Variants in COLEC10 observed in about 807,000 individuals in gnomAD.
COLEC10 encodes the protein collectin-10.
Under a neutral mutation model 28.4 loss-of-function variants are expected in COLEC10, and 22 were observed. That is an observed-to-expected ratio of 0.78 (90% CI 0.55 to 1.11). COLEC10 has a LOEUF of 1.11. Among genes scored for constraint, COLEC10 ranks in the 50% least tolerant of loss-of-function variants. The probability of loss-of-function intolerance (pLI) is 0.00; values close to 1 mark genes in which losing one functional copy is unlikely to be tolerated. For synonymous variants in COLEC10, 125 were observed against 116.1 expected, an observed-to-expected ratio of 1.08 and a Z score of -0.49; for missense variants, 361 against 344.1, an observed-to-expected ratio of 1.05 and a Z score of -0.39.
intron 4 of COLEC10, 116 bp downstream of exon 4, chr8:119,102,517 T>G: frequency 1.2e-6 from 1 of 854,834 alleles, no homozygotes; most frequent in Non-Finnish European, 1.8e-6. Flanking sequence ...TTAACCTTAT[T>G]TTCCTCAGGC....
rs981423188 is a variant in COLEC10, at chr8:119,086,915, G to A, written c.149-2765G>A. 2.6e-5 allele frequency among the ~76,000 whole-genome samples: 4 copies of A among 152,274 alleles called. No homozygotes were observed. The East Asian group carries it at 7.7e-4, about 29-fold the overall frequency. On this transcript the variant is annotated intron_variant, in intron 1 of 5. Coordinates refer to ENST00000332843, the MANE Select transcript of COLEC10 (RefSeq NM_006438.5). ...AATCATCCAGCTTGTTCAGAACATG[G>A]GCTAGGAGGACAAATGCCCCTGTTT...
At chr8:118,959,200 T>A in the COLEC10 span, among the ~76,000 whole-genome samples, 1 of 152,190 alleles carries the variant, frequency 6.6e-6, no homozygotes, top group Admixed American at 6.5e-5. Context: ...TTTCTTTTCA[T>A]GGTCTTTTTA....
upstream of COLEC10, among the ~76,000 whole-genome samples, chr8:119,064,617 G>C (rs893011947): frequency 1.3e-5 from 2 of 152,056 alleles, no homozygotes; most frequent in Non-Finnish European, 2.9e-5. Context: ...TAAAATGTTA[G>C]GTTTCTAACA....
rs532784125 is a variant in COLEC10 at position 119,079,061 on chromosome 8, A to T, written c.149-10619A>T. Among the ~76,000 whole-genome samples, 18 of 150,984 alleles carry T rather than the reference A, an allele frequency of 1.2e-4. No homozygotes were observed. The South Asian group carries it at 3.8e-3, about 32-fold the overall frequency. ...CACACACACCAACCAGGATGTTGCA[A>T]ATCTGCATGACAGGGTAAGGTCTCA... On this transcript the variant is annotated intron_variant, in intron 1 of 5. Transcript: ENST00000332843.
chr8:119,049,839 ACTGT>A (rs1171673293), intron 2 of COLEC10, among the ~76,000 whole-genome samples: 1 of 152,166 alleles, frequency 6.6e-6, no homozygotes, highest in Non-Finnish European at 1.5e-5. Flanking sequence ...TTCTATCACT[ACTGT>A]CTGTCTCCAT....
chr8:118,992,512 C>A (rs1441663748), upstream of COLEC10, among the ~76,000 whole-genome samples: 1 of 152,102 alleles, frequency 6.6e-6, no homozygotes, highest in Non-Finnish European at 1.5e-5. Context: ...GATGGGCAGA[C>A]AGAAATCTGT....
At chr8:119,046,985 A>G (rs1183910818) in intron 2 of COLEC10, among the ~76,000 whole-genome samples, 1 of 152,214 alleles carries the variant, frequency 6.6e-6, no homozygotes, top group East Asian at 1.9e-4. Context: ...TGAATTTTCA[A>G]GAACTCAGCT....
At chr8:119,088,244 AAAG>A (rs1815522203) in intron 1 of COLEC10, among the ~76,000 whole-genome samples, 1 of 151,970 alleles carries the variant, frequency 6.6e-6, no homozygotes, top group African/African-American at 2.4e-5. Context: ...AAGAGAAAGA[AAAG>A]AAAGAAAGAA....
At chr8:118,993,314 T>A (rs1408848521), upstream of COLEC10, among the ~76,000 whole-genome samples, 2 of 152,086 alleles carry the variant, frequency 1.3e-5, no homozygotes, top group South Asian at 2.1e-4. Context: ...TTTTCTCACA[T>A]GATCTTTCTT....
At chr8:119,022,098 A>T (rs1484032997) in intron 2 of COLEC10, among the ~76,000 whole-genome samples, 6 of 152,174 alleles carry the variant, frequency 3.9e-5, no homozygotes, top group Admixed American at 2.6e-4. Context: ...CAGCAATGTC[A>T]AAATACAATA....
the COLEC10 span, among the ~76,000 whole-genome samples, chr8:118,980,556 T>A: frequency 6.6e-6 from 1 of 152,074 alleles, no homozygotes; most frequent in Non-Finnish European, 1.5e-5. Flanking sequence ...TTAAGGAAGT[T>A]CCATTATATT....
At chr8:119,051,360 T>C (rs1284181465) in intron 2 of COLEC10, among the ~76,000 whole-genome samples, 1 of 152,238 alleles carries the variant, frequency 6.6e-6, no homozygotes, top group Non-Finnish European at 1.5e-5. Context: ...CCCAACAATC[T>C]GGCTGAGGGC....
At chr8:118,999,310 C>T (rs1187764282) in intron 1 of COLEC10, among the ~76,000 whole-genome samples, 1 of 151,864 alleles carries the variant, frequency 6.6e-6, no homozygotes, top group Non-Finnish European at 1.5e-5. Flanking sequence ...AGTTAGAGGT[C>T]TGATAAAGAA....
chr8:118,972,857 TGGCTAGAGA>T, the COLEC10 span, among the ~76,000 whole-genome samples: 1 of 152,020 alleles, frequency 6.6e-6, no homozygotes, highest in African/African-American at 2.4e-5. Flanking sequence ...CAGTTCAGCA[TGGCTAGAGA>T]GGCCTCAAGA....
At chr8:119,083,546 C>T (rs996126670) in intron 1 of COLEC10, among the ~76,000 whole-genome samples, 1 of 152,122 alleles carries the variant, frequency 6.6e-6, no homozygotes, top group East Asian at 1.9e-4. Flanking sequence ...GCTCAGTATG[C>T]TTGCAATATT....
At chr8:119,014,033 A>G (rs1813946609) in intron 2 of COLEC10, among the ~76,000 whole-genome samples, 3 of 150,786 alleles carry the variant, frequency 2.0e-5, no homozygotes, top group South Asian at 4.2e-4. Flanking sequence ...AAACACACTC[A>G]CACAGACACA....
At chr8:118,977,192 C>T in the COLEC10 span, among the ~76,000 whole-genome samples, 15 of 144,166 alleles carry the variant, frequency 1.0e-4, no homozygotes, top group South Asian at 1.7e-3. Flanking sequence ...GTCAGTGTGG[C>T]GATTCCTCAG....
intron 2 of COLEC10, among the ~76,000 whole-genome samples, chr8:119,023,820 G>T (rs1161975492): frequency 6.6e-6 from 1 of 152,108 alleles, no homozygotes; most frequent in African/African-American, 2.4e-5. Flanking sequence ...GAAATCAGAG[G>T]AATAGATTTT....
chr8:119,052,976 G>A (rs966688927), intron 2 of COLEC10, among the ~76,000 whole-genome samples: 1 of 152,032 alleles, frequency 6.6e-6, no homozygotes, highest in African/African-American at 2.4e-5. Flanking sequence ...AAATTCCAGA[G>A]AAAAACGTGG....
Sources: gnomAD v4.1 joint callset for allele counts (sites outside exome capture counted in the v4.1 genomes callset) on GRCh38, gnomAD v4.1.1 for gene constraint, MANE v1.5 for transcripts, NCBI Gene and HGNC (gene_info 2026-07-23, HGNC 2026-07-21) for gene names.